The following ZBTB41 variants were observed in gnomAD, a reference collection of about 807,000 sequenced individuals.
ZBTB41 encodes zinc finger and BTB domain containing 41.
In ZBTB41, 42 loss-of-function variants were observed where a neutral mutation model predicts 87.6. That is an observed-to-expected ratio of 0.48 (90% CI 0.37 to 0.62). The LOEUF is 0.62. Ranked by LOEUF, ZBTB41 falls within the 20% of genes least tolerant of loss-of-function variation. ZBTB41 has a pLI of 0.00. For synonymous variants in ZBTB41, 364 were observed against 364.0 expected (o/e 1.00, Z 0.00); for missense variants, 799 against 1,078.9 (o/e 0.74, Z 3.63).
intron 4 of ZBTB41, among the ~76,000 whole-genome samples, chr1:197,189,659 G>C (rs559271788): frequency 6.6e-6 from 1 of 152,240 alleles, no homozygotes; most frequent in Admixed American, 6.5e-5. Context: ...AATCTACCCA[G>C]GTTGGAGTGA....
chr1:197,191,222 G>T (rs1452665472), intron 3 of ZBTB41, among the ~76,000 whole-genome samples: 3 of 152,060 alleles, frequency 2.0e-5, no homozygotes, highest in Non-Finnish European at 4.4e-5. Flanking sequence ...CACTTTGGGA[G>T]GTCAAGGCGG....
chr1:197,163,053 C>A (rs1427618418), intron 10 of ZBTB41, among the ~76,000 whole-genome samples: 1 of 152,050 alleles, frequency 6.6e-6, no homozygotes, highest in African/African-American at 2.4e-5. Context: ...TACTGGGAGA[C>A]AGAGATTAGA....
chr1:197,164,167 C>G (rs1057283883), intron 10 of ZBTB41, among the ~76,000 whole-genome samples: 1 of 151,804 alleles, frequency 6.6e-6, no homozygotes, highest in Non-Finnish European at 1.5e-5. Flanking sequence ...TGGAAAGTGA[C>G]GAATAATTTC....
intron 10 of ZBTB41, among the ~76,000 whole-genome samples, chr1:197,163,421 T>A (rs1659245228): frequency 6.6e-6 from 1 of 151,706 alleles, no homozygotes; most frequent in Non-Finnish European, 1.5e-5. Context: ...ACAGGAAAAG[T>A]AAATTTTACC....
intron 4 of ZBTB41, among the ~76,000 whole-genome samples, chr1:197,189,513 G>A (rs925753460): frequency 6.0e-5 from 9 of 149,242 alleles, no homozygotes; most frequent in Non-Finnish European, 1.0e-4. Context: ...GTGACAAAGC[G>A]AGACTCCGTC....
At chr1:197,175,214 A>T (rs1043119044) in intron 8 of ZBTB41, 99 bp from the exon 9 acceptor site, 2 of 968,200 alleles carry the variant, frequency 2.1e-6, no homozygotes, top group African/African-American at 1.7e-5. Flanking sequence ...GATGTCAAAT[A>T]TAACAGGAAA....
intron 8 of ZBTB41, among the ~76,000 whole-genome samples, chr1:197,176,251 A>T (rs1052195831): frequency 6.6e-6 from 1 of 152,068 alleles, no homozygotes; most frequent in Non-Finnish European, 1.5e-5. Flanking sequence ...CCTTTAAGGA[A>T]CTGTCAATAG....
intron 10 of ZBTB41, among the ~76,000 whole-genome samples, chr1:197,167,627 T>C (rs1339077167): frequency 1.3e-5 from 2 of 151,956 alleles, no homozygotes; most frequent in Non-Finnish European, 2.9e-5. Flanking sequence ...CAAAAATCAA[T>C]CAGTACAATT....
chr1:197,187,616 T>A (rs1214175907), intron 5 of ZBTB41, among the ~76,000 whole-genome samples: 1 of 152,170 alleles, frequency 6.6e-6, no homozygotes, highest in East Asian at 1.9e-4. Flanking sequence ...TTTTTTAATA[T>A]CTCCAATCCA....
chr1:197,167,920 G>A (rs901045697), intron 10 of ZBTB41, among the ~76,000 whole-genome samples: 13 of 152,068 alleles, frequency 8.5e-5, no homozygotes, highest in Admixed American at 2.0e-4. Context: ...TCCCAACCCT[G>A]AAAGACAGAG....
In ZBTB41 at chr1:197,175,178, CA is replaced by C. The variant is rs1222378089; in HGVS notation, c.1880-64del. 6 of 1,332,948 alleles carry C rather than the reference CA, an allele frequency of 4.5e-6. No homozygotes were observed. In the East Asian group the frequency reaches 1.4e-4, roughly 32 times the overall value. 82.6% of individuals were successfully genotyped at this position (1,332,948 alleles called of 1,614,324 possible). A position where few individuals can be genotyped will look rare whatever the true frequency, so the allele number is the denominator to read the frequency against. On this transcript the variant is annotated intron_variant, in intron 8 of 10. Coordinates refer to ENST00000367405, the MANE Select transcript of ZBTB41 (RefSeq NM_194314.3). ...CATCTCAGGTTTTTATCCCCAGAAA[CA>C]AACTATCAAACAGTAAGATCACATG... is the stretch of plus-strand genomic sequence containing the variant.
rs191791237 is a variant in ZBTB41, at chr1:197,195,647, T to C, written c.1120+3707A>G. Among the ~76,000 whole-genome samples the C allele has an allele frequency of 3.3e-5, 5 of 152,310 alleles. No individual in the cohort carries two copies. In the East Asian group the frequency reaches 7.7e-4, roughly 23 times the overall value. On this transcript the variant is annotated intron_variant, in intron 2 of 10. Transcript: ENST00000367405. ...TTCTACCTCTAGAAGAGATTGTGAA[T>C]TTAATCTAATGAAAGATTTTAGTTC...
intron 3 of ZBTB41, among the ~76,000 whole-genome samples, chr1:197,191,456 C>CAAAAAAA (rs537220441): frequency 4.7e-5 from 4 of 85,324 alleles, no homozygotes; most frequent in African/African-American, 1.7e-4. Flanking sequence ...AGCCCTACTT[C>CAAAAAAA]AAAAAAAAAA....
At position 197,183,490 on chromosome 1, in the gene ZBTB41, T is replaced by C. The variant is rs1659807870; in HGVS notation, c.1547-2373A>G. Among the ~76,000 whole-genome samples the C allele has an allele frequency of 2.0e-5, 3 of 152,182 alleles. No homozygotes were observed. The South Asian group carries it at 6.2e-4, about 32-fold the overall frequency. ...CTATTAAACTTTTTCTTCTAGTAAA[T>C]GTCAACCTAACCCAGTAAATGTCAA... On this transcript the variant is annotated intron_variant, in intron 5 of 10. Coordinates refer to ENST00000367405, the MANE Select transcript of ZBTB41 (RefSeq NM_194314.3).
At chr1:197,163,127 T>C (rs1369704320) in intron 10 of ZBTB41, among the ~76,000 whole-genome samples, 6 of 152,016 alleles carry the variant, frequency 3.9e-5, no homozygotes, top group Non-Finnish European at 7.4e-5. Flanking sequence ...GAGACCCCAA[T>C]GCAATGATGA....
chr1:197,188,211 A>G, intron 5 of ZBTB41, 81 bp downstream of exon 5: 1 of 1,495,340 alleles, frequency 6.7e-7, no homozygotes. Context: ...AAAAAGAGTA[A>G]TTCAGCTATA....
chr1:197,165,094 A>G (rs1351455325), intron 10 of ZBTB41, among the ~76,000 whole-genome samples: 1 of 150,174 alleles, frequency 6.7e-6, no homozygotes, highest in Non-Finnish European at 1.5e-5. Flanking sequence ...AACTTACAAA[A>G]TAAGTGGTAA....
chr1:197,192,567 T>C (rs997659858), intron 2 of ZBTB41, among the ~76,000 whole-genome samples: 6 of 152,194 alleles, frequency 3.9e-5, no homozygotes. Flanking sequence ...TATGCACATC[T>C]AGTAATTTGA....
At position 197,176,649 on chromosome 1, in the gene ZBTB41, A is replaced by G; in HGVS notation, c.1794T>C (p.His598=). ...SSYRLHLRVH[H]DDKRYECDEC... is the part of the protein sequence containing the mutation. ...CATCGCACTCATATCTTTTATCATC[A>G]TGATGTACTCGTAAGTGAAGTCTAT... The change falls in exon 8 of 11, where the codon CAT becomes CAC. Residue 598 remains histidine, a synonymous_variant. Transcript: ENST00000367405. 1.2e-6 allele frequency: 2 copies of G among 1,611,216 alleles called. No homozygotes were observed. The highest frequency in any genetic ancestry group is 1.7e-6 in the Non-Finnish European group (2 of 1,178,422).
Sources: gnomAD v4.1 joint callset for allele counts (sites outside exome capture counted in the v4.1 genomes callset) on GRCh38, gnomAD v4.1.1 for gene constraint, MANE v1.5 for transcripts, NCBI Gene and HGNC (gene_info 2026-07-23, HGNC 2026-07-21) for gene names.